CHST3: variants seen among roughly 807,000 people sequenced by gnomAD.
CHST3 encodes carbohydrate sulfotransferase 3, also known as C6ST-1.
Under a neutral mutation model 35.4 loss-of-function variants are expected in CHST3, and 20 were observed. That is an observed-to-expected ratio of 0.57 (90% CI 0.40 to 0.82). CHST3 has a LOEUF of 0.82. Ranked by LOEUF, CHST3 falls within the 40% of genes least tolerant of loss-of-function variation. CHST3 has a pLI of 0.00. For missense variants in CHST3, 693 were observed against 670.1 expected (o/e 1.03, Z -0.38); for synonymous variants, 334 against 295.9 (o/e 1.13, Z -1.32).
chr10:71,985,472 A>G (rs879442083), intron 1 of CHST3, among the ~76,000 whole-genome samples: 1 of 152,150 alleles, frequency 6.6e-6, no homozygotes, highest in Non-Finnish European at 1.5e-5. Flanking sequence ...ACATGAATAG[A>G]TCCCAGGAAG....
rs1465825042 is a variant in CHST3, at chr10:72,007,811, C to T, written c.780C>T (p.Ala260=). 1 of 1,601,102 alleles carries T rather than the reference C, an allele frequency of 6.2e-7. No homozygotes were observed. Among genetic ancestry groups the T allele is most frequent in the Non-Finnish European group, 8.5e-7 (1 of 1,179,100 alleles). The change falls in exon 3 of 3, where the codon GCC becomes GCT. Residue 260 remains alanine, a synonymous_variant. Transcript: ENST00000373115. The stretch of plus-strand genomic sequence containing the variant: ...GCGGCCCCCTCAACGTGACGCTGGC[C>T]GCAGAGGCCTGCCGCCGCAAGGAGC... ...RRCGPLNVTL[A]AEACRRKEHM...
At chr10:71,991,351 C>T (rs1589503101) in intron 1 of CHST3, among the ~76,000 whole-genome samples, 1 of 152,200 alleles carries the variant, frequency 6.6e-6, no homozygotes, top group Non-Finnish European at 1.5e-5. Context: ...TGTAGACTGT[C>T]GTTCTGCCCT....
chr10:71,994,056 C>T (rs369535890), intron 1 of CHST3, among the ~76,000 whole-genome samples: 105 of 152,024 alleles, frequency 6.9e-4, no homozygotes, highest in African/African-American at 2.1e-3. Context: ...GCCGAGATCA[C>T]GCCACTATAC....
Position 72,005,904 on chromosome 10 carries a change from G to A in CHST3, c.62G>A (p.Arg21Lys), listed in dbSNP as rs773593506. 1 of 1,614,218 alleles carries A rather than the reference G, an allele frequency of 6.2e-7. No homozygotes were observed. The highest frequency in any genetic ancestry group is 8.5e-7 in the Non-Finnish European group (1 of 1,180,034). ...CRDFVHSLKM[R>K]SKYALFLVFV... ...GACTTTGTGCACAGCCTGAAGATGA[G>A]AAGCAAATACGCCCTTTTCTTGGTT... Residue 21 changes from arginine (R) to lysine (K), a missense_variant, in exon 2 of 3, where the codon AGA (arginine) becomes AAA (lysine). Coordinates refer to ENST00000373115, the MANE Select transcript of CHST3 (RefSeq NM_004273.5).
intron 1 of CHST3, among the ~76,000 whole-genome samples, chr10:71,965,389 G>A (rs1363661130): frequency 1.3e-5 from 2 of 152,222 alleles, no homozygotes; most frequent in African/African-American, 2.4e-5. Context: ...CTAGACAGAA[G>A]GGTAGTGGCC....
intron 1 of CHST3, among the ~76,000 whole-genome samples, chr10:71,986,421 C>T (rs570725312): frequency 5.9e-5 from 9 of 152,246 alleles, no homozygotes; most frequent in African/African-American, 1.9e-4. Context: ...TCCTCTAAAA[C>T]AGCCGCAGCA....
chr10:71,997,581 A>G (rs1295507388), intron 1 of CHST3, among the ~76,000 whole-genome samples: 1 of 151,978 alleles, frequency 6.6e-6, no homozygotes, highest in Non-Finnish European at 1.5e-5. Context: ...GAAATTTTAG[A>G]TTTGGTTACT....
chr10:72,007,262 C>T lies in CHST3; in HGVS notation c.231C>T (p.Leu77=), dbSNP rs1434922295. The stretch of plus-strand genomic sequence containing the variant: ...TGATCTTAGCTGAGAACGCATCTCT[C>T]TTGTCCCTGAGCGAGCTCGATTCAG... ...PALILAENAS[L]LSLSELDSAF... is the part of the protein sequence containing the mutation. The change falls in exon 3 of 3, where the codon CTC becomes CTT. Residue 77 remains leucine (L), a synonymous_variant. Transcript: ENST00000373115. 8 of 1,614,156 alleles carry T rather than the reference C, an allele frequency of 5.0e-6. No homozygotes were observed. Among genetic ancestry groups the T allele is most frequent in the African/African-American group, 4.0e-5 (3 of 74,956 alleles).
At chr10:72,003,025 G>T (rs1437756666) in intron 1 of CHST3, among the ~76,000 whole-genome samples, 1 of 152,204 alleles carries the variant, frequency 6.6e-6, no homozygotes, top group African/African-American at 2.4e-5. Flanking sequence ...CCTGGGAGGG[G>T]TGGCCAGAGG....
In CHST3 at chr10:72,008,595, C is replaced by T. The variant is rs1840074943; in HGVS notation, c.*124C>T. On this transcript the variant is annotated 3_prime_UTR_variant, in exon 3 of 3. Transcript: ENST00000373115. ...AGCGCCTCCTGTAGCAGTAGGGCCC[C>T]CAGCCAGCGCTCCAGCCAAAGCGGC... 3 of 1,430,618 alleles carry T rather than the reference C, an allele frequency of 2.1e-6. No individual in the cohort carries two copies. Among genetic ancestry groups the T allele is most frequent in the Admixed American group, 2.9e-5 (1 of 34,822 alleles). 88.6% of individuals were successfully genotyped at this position (1,430,618 alleles called of 1,614,324 possible).
chr10:71,969,704 C>G (rs1839670654), intron 1 of CHST3, among the ~76,000 whole-genome samples: 4 of 152,152 alleles, frequency 2.6e-5, no homozygotes, highest in African/African-American at 9.7e-5. Context: ...GAGAAGCCAC[C>G]CCACTGCAGG....
At chr10:71,975,130 G>C (rs933050207) in intron 1 of CHST3, among the ~76,000 whole-genome samples, 6 of 152,220 alleles carry the variant, frequency 3.9e-5, no homozygotes, top group Non-Finnish European at 5.9e-5. Context: ...TGACCTAGAG[G>C]AGATTCAGAC....
intron 1 of CHST3, among the ~76,000 whole-genome samples, chr10:71,989,684 T>G (rs1043016181): frequency 1.1e-4 from 16 of 152,194 alleles, no homozygotes; most frequent in African/African-American, 3.4e-4. Flanking sequence ...GGTAACAAAT[T>G]TAAACAATAG....
chr10:71,979,380 G>T (rs557382831), intron 1 of CHST3, among the ~76,000 whole-genome samples: 1 of 152,088 alleles, frequency 6.6e-6, no homozygotes, highest in Non-Finnish European at 1.5e-5. Context: ...GTCTCGGGAG[G>T]GGGGTTAGAT....
intron 1 of CHST3, among the ~76,000 whole-genome samples, chr10:71,985,553 C>T (rs1449384481): frequency 6.6e-6 from 1 of 152,218 alleles, no homozygotes; most frequent in Non-Finnish European, 1.5e-5. Context: ...CTAGTTCACT[C>T]CTCTGCCCTA....
In CHST3 at chr10:72,008,150, C is replaced by CGTGGCACGCGGGCCGCTGCAG; in HGVS notation, c.1120_1140dup (p.Val374_Gln380dup). 1 of 1,548,516 alleles carries CGTGGCACGCGGGCCGCTGCAG rather than the reference C, an allele frequency of 6.5e-7. No individual in the cohort carries two copies. Among genetic ancestry groups the CGTGGCACGCGGGCCGCTGCAG allele is most frequent in the Non-Finnish European group, 8.7e-7 (1 of 1,146,436 alleles). Reference sequence around the variant, plus strand: ...GCTACATGCTGGTGCGCTACGAGGACGTGGCACGCGGGCCGCTGCAGAAGG... The same window carrying CGTGGCACGCGGGCCGCTGCAG: ...GCTACATGCTGGTGCGCTACGAGGACGTGGCACGCGGGCCGCTGCAGGTGGCACGCGGGCCGCTGCAGAAGG... On this transcript the variant is annotated inframe_insertion, in exon 3 of 3. Transcript: ENST00000373115.
rs1307676484 is a variant in CHST3, at chr10:71,964,662, G to A, written c.-140G>A. On this transcript the variant is annotated 5_prime_UTR_variant, in exon 1 of 3. Coordinates refer to ENST00000373115, the MANE Select transcript of CHST3 (RefSeq NM_004273.5). Reference sequence around the variant, plus strand: ...CCGCGCCGGACCCCAGCCGCGGAGGGTCGGGGCCGCCGGTGGAGTCTCGGC... The same window carrying A: ...CCGCGCCGGACCCCAGCCGCGGAGGATCGGGGCCGCCGGTGGAGTCTCGGC... 1 of 151,932 alleles carries A rather than the reference G, an allele frequency of 6.6e-6. No homozygotes were observed. The highest frequency in any genetic ancestry group is 6.6e-5 in the Admixed American group (1 of 15,240). 9.4% of individuals were successfully genotyped at this position (151,932 alleles called of 1,614,324 possible). A position where few individuals can be genotyped will look rare whatever the true frequency, so the allele number is the denominator to read the frequency against.
At position 72,008,497 on chromosome 10, in the gene CHST3, C is replaced by G. The variant is rs766357492; in HGVS notation, c.*26C>G. The G allele has an allele frequency of 8.1e-6, 12 of 1,490,186 alleles. No homozygotes were observed. Among genetic ancestry groups the G allele is most frequent in the Non-Finnish European group, 8.9e-6 (10 of 1,118,558 alleles). The allele number at this position is 1,490,186 out of a possible 1,614,324, so 92.3% of individuals were successfully genotyped here. On this transcript the variant is annotated 3_prime_UTR_variant, in exon 3 of 3. Coordinates refer to ENST00000373115, the MANE Select transcript of CHST3 (RefSeq NM_004273.5). ...GGGGGCCGGGGCCCCGTATGCCCCTCCTCGTGAAAGGCCTGCCCCGTCTTT... is the reference window on the plus strand; with the variant it reads ...GGGGGCCGGGGCCCCGTATGCCCCTGCTCGTGAAAGGCCTGCCCCGTCTTT...
intron 1 of CHST3, among the ~76,000 whole-genome samples, chr10:71,986,558 A>G (rs1839848690): frequency 6.6e-6 from 1 of 152,136 alleles, no homozygotes; most frequent in Admixed American, 6.5e-5. Flanking sequence ...CGGGGTGGAA[A>G]TTGACTTGCC....
Sources: allele counts gnomAD v4.1 joint callset (sites outside exome capture counted in the v4.1 genomes callset), GRCh38; gene constraint gnomAD v4.1.1; transcripts MANE v1.5; gene names NCBI Gene and HGNC (gene_info 2026-07-23, HGNC 2026-07-21).